The following ABLIM3 variants were observed in gnomAD, a reference collection of about 807,000 sequenced individuals.
ABLIM3 encodes the protein actin binding LIM protein family member 3.
Under a neutral mutation model 109.5 loss-of-function variants are expected in ABLIM3, and 61 were observed. The observed-to-expected ratio is 0.56, with a 90% CI of 0.45 to 0.69. The LOEUF is 0.69. ABLIM3 is among the 30% of genes least tolerant of loss of function. ABLIM3 has a pLI of 0.00. For missense variants in ABLIM3, 796 were observed against 889.5 expected (o/e 0.89, Z 1.34); for synonymous variants, 300 against 324.8 (o/e 0.92, Z 0.82).
At chr5:149,192,572 G>C (rs1757580350) in intron 3 of ABLIM3, among the ~76,000 whole-genome samples, 1 of 147,322 alleles carries the variant, frequency 6.8e-6, no homozygotes, top group East Asian at 2.0e-4. Flanking sequence ...CTTGCAGTGA[G>C]CCAAGATCGG....
chr5:149,230,860 C>T (rs1430403163), intron 9 of ABLIM3, among the ~76,000 whole-genome samples, 153 bp downstream of exon 9: 1 of 152,144 alleles, frequency 6.6e-6, no homozygotes, highest in African/African-American at 2.4e-5. Context: ...AACGGTAACA[C>T]CTGCCCCATG....
At chr5:149,187,011 T>C (rs1426549104) in intron 3 of ABLIM3, among the ~76,000 whole-genome samples, 2 of 152,010 alleles carry the variant, frequency 1.3e-5, no homozygotes, top group African/African-American at 4.8e-5. Flanking sequence ...AAACAGAAGA[T>C]TTCATCCAAA....
chr5:149,252,197 G>C lies in ABLIM3; in HGVS notation c.1850-4G>C. On this transcript the variant is annotated splice_polypyrimidine_tract_variant and splice_region_variant and intron_variant, in intron 21 of 23. Coordinates refer to ENST00000309868, the MANE Select transcript of ABLIM3 (RefSeq NM_014945.5). ...TGTGTGTGTGTCTCTTTTTCTCTCTGCAGAGTACAAGGTAAAGGATGTGCA... is the reference window on the plus strand; with the variant it reads ...TGTGTGTGTGTCTCTTTTTCTCTCTCCAGAGTACAAGGTAAAGGATGTGCA... 1 of 1,613,660 alleles carries C rather than the reference G, an allele frequency of 6.2e-7. No homozygotes were observed. Among genetic ancestry groups the C allele is most frequent in the Non-Finnish European group, 8.5e-7 (1 of 1,179,748 alleles).
chr5:149,226,687 A>G (rs1008749837), intron 8 of ABLIM3, among the ~76,000 whole-genome samples: 3 of 152,198 alleles, frequency 2.0e-5, no homozygotes, highest in African/African-American at 7.2e-5. Flanking sequence ...GAACCGTCCA[A>G]TGGACCACTT....
intron 3 of ABLIM3, 59 bp downstream of exon 3, chr5:149,183,648 G>A (rs1756675424): frequency 6.9e-7 from 1 of 1,443,016 alleles, no homozygotes; most frequent in Non-Finnish European, 9.1e-7. Context: ...TGCACCATCA[G>A]GTCATGCCTC....
intron 8 of ABLIM3, among the ~76,000 whole-genome samples, chr5:149,222,563 T>C (rs1760756452): frequency 6.6e-6 from 1 of 152,160 alleles, no homozygotes; most frequent in Non-Finnish European, 1.5e-5. Context: ...CTTGGTTCTG[T>C]GTTAACACAA....
chr5:149,239,974 G>A (rs945949932), intron 13 of ABLIM3, 86 bp downstream of exon 13: 9 of 1,472,710 alleles, frequency 6.1e-6, no homozygotes, highest in East Asian at 2.6e-5. Flanking sequence ...AGGGCACAAG[G>A]CTCCCCCATG....
At chr5:149,206,347 T>TG (rs1462958326) in intron 5 of ABLIM3, among the ~76,000 whole-genome samples, 2 of 152,160 alleles carry the variant, frequency 1.3e-5, no homozygotes, top group Non-Finnish European at 2.9e-5. Flanking sequence ...TGAAGCACAA[T>TG]GGGGAAGGGG....
intron 5 of ABLIM3, 70 bp from the exon 6 acceptor site, chr5:149,206,938 C>T (rs766062757): frequency 5.5e-5 from 85 of 1,558,498 alleles, no homozygotes; most frequent in Admixed American, 3.4e-4. Flanking sequence ...GTTTCCTTGA[C>T]GTGGGCCTGA....
intron 2 of ABLIM3, 96 bp downstream of exon 2, chr5:149,142,204 C>T: frequency 1.3e-6 from 2 of 1,557,798 alleles, no homozygotes; most frequent in Non-Finnish European, 1.8e-6. Context: ...GGAAGGAAGC[C>T]TGGCATCTCT....
chr5:149,228,311 C>T (rs991088302), intron 8 of ABLIM3, among the ~76,000 whole-genome samples: 10 of 152,196 alleles, frequency 6.6e-5, no homozygotes, highest in Non-Finnish European at 4.4e-5. Flanking sequence ...TGTTAAGTCT[C>T]TTCTTCAGGG....
chr5:149,170,149 T>G (rs1206942845), intron 2 of ABLIM3, among the ~76,000 whole-genome samples: 1 of 152,012 alleles, frequency 6.6e-6, no homozygotes, highest in Non-Finnish European at 1.5e-5. Context: ...ACTATATTGG[T>G]TTGTATATTG....
intron 2 of ABLIM3, among the ~76,000 whole-genome samples, chr5:149,169,835 T>TC (rs1755204895): frequency 1.3e-5 from 2 of 152,202 alleles, no homozygotes; most frequent in Non-Finnish European, 2.9e-5. Flanking sequence ...ACAGGAGGTG[T>TC]ATCAGCATGA....
In ABLIM3 at chr5:149,187,990, C is replaced by T. The variant is rs544440114; in HGVS notation, c.151+4401C>T. Among the ~76,000 whole-genome samples, 4 of 152,238 alleles carry T rather than the reference C, an allele frequency of 2.6e-5. No homozygotes were observed. The South Asian group carries it at 6.2e-4, about 24-fold the overall frequency. The stretch of plus-strand genomic sequence containing the variant: ...CTTTGCTCCATCTGTAAGGGCGCAC[C>T]GTTCTATAGTAATAACTTGCCTTGC... On this transcript the variant is annotated intron_variant, in intron 3 of 23. Coordinates refer to ENST00000309868, the MANE Select transcript of ABLIM3 (RefSeq NM_014945.5).
Position 149,246,560 on chromosome 5 carries a change from A to G in ABLIM3, c.1551+14A>G, listed in dbSNP as rs746488029. The G allele has an allele frequency of 6.2e-7, 1 of 1,613,988 alleles. No homozygotes were observed. The highest frequency in any genetic ancestry group is 8.5e-7 in the Non-Finnish European group (1 of 1,179,964). Reference sequence around the variant, plus strand: ...AGCATGCACAAGGTGGGCAGAGACCACAGCACTGAATATGATGCTTAGAGC... The same window carrying G: ...AGCATGCACAAGGTGGGCAGAGACCGCAGCACTGAATATGATGCTTAGAGC... On this transcript the variant is annotated intron_variant, in intron 17 of 23. Coordinates refer to ENST00000309868, the MANE Select transcript of ABLIM3 (RefSeq NM_014945.5).
At chr5:149,244,191 G>C (rs889196291) in intron 15 of ABLIM3, 1 of 152,354 alleles carries the variant, frequency 6.6e-6, no homozygotes, top group African/African-American at 2.4e-5. Flanking sequence ...GGGTCTTTTT[G>C]GTCACCCCTG....
chr5:149,216,686 G>C (rs945089041), intron 7 of ABLIM3: 5 of 404,116 alleles, frequency 1.2e-5, no homozygotes, highest in Admixed American at 1.2e-4. Context: ...AGTTGGACCA[G>C]TGGCCTCTCA....
chr5:149,244,577 A>G (rs1236558411), intron 15 of ABLIM3: 5 of 381,400 alleles, frequency 1.3e-5, no homozygotes, highest in Non-Finnish European at 2.5e-5. Flanking sequence ...AGACCTGGGA[A>G]TCCATGGAAT....
Position 149,173,890 on chromosome 5 carries a change from C to T in ABLIM3, c.14-9562C>T, listed in dbSNP as rs184836392. On this transcript the variant is annotated intron_variant, in intron 2 of 23. Transcript: ENST00000309868. ...CAAAAAAATTAGCCGGACGTCGTGG[C>T]GGGTGCCTGTAGTCCCAGCTACTCG... is the stretch of plus-strand genomic sequence containing the variant. 5.1e-4 allele frequency among the ~76,000 whole-genome samples: 77 copies of T among 151,780 alleles called. 1 individual carries two copies. The East Asian group carries it at 0.013, about 26-fold the overall frequency.
Sources: allele counts gnomAD v4.1 joint callset (sites outside exome capture counted in the v4.1 genomes callset), GRCh38; gene constraint gnomAD v4.1.1; transcripts MANE v1.5; gene names NCBI Gene and HGNC (gene_info 2026-07-23, HGNC 2026-07-21).